PDE4D: variants seen among roughly 807,000 people sequenced by gnomAD.
PDE4D encodes the protein phosphodiesterase 4D.
PDE4D carries 24 observed loss-of-function variants against 87.4 expected under a neutral mutation model. That is an observed-to-expected ratio of 0.27 (90% CI 0.20 to 0.39). The LOEUF (loss-of-function observed/expected upper bound fraction) is 0.39. Ranked by LOEUF, PDE4D falls within the 10% of genes least tolerant of loss-of-function variation. The probability of loss-of-function intolerance (pLI) is 1.00; values close to 1 mark genes in which losing one functional copy is unlikely to be tolerated. For synonymous variants in PDE4D, 384 were observed against 383.2 expected, an observed-to-expected ratio of 1.00 and a Z score of -0.02; for missense variants, 714 against 1,041.0, an observed-to-expected ratio of 0.69 and a Z score of 4.32.
chr5:59,706,902 C>A (rs527548479), intron 1 of PDE4D, among the ~76,000 whole-genome samples: 1 of 152,168 alleles, frequency 6.6e-6, no homozygotes, highest in African/African-American at 2.4e-5. Context: ...CAGTGATGCT[C>A]AATTGCTTTT....
intron 1 of PDE4D, among the ~76,000 whole-genome samples, chr5:60,310,894 T>G (rs774021714): frequency 1.3e-5 from 2 of 152,194 alleles, no homozygotes; most frequent in African/African-American, 2.4e-5. Context: ...GGGATAATCA[T>G]TCCATGTGCT....
intron 6 of PDE4D, among the ~76,000 whole-genome samples, chr5:59,032,494 GCTTGAA>G (rs1232949054): frequency 6.6e-6 from 1 of 152,178 alleles, no homozygotes; most frequent in African/African-American, 2.4e-5. Flanking sequence ...CAGGAGAATT[GCTTGAA>G]CTTGGGAGGC....
At chr5:60,455,843 T>A (rs1746429709) in intron 1 of PDE4D, among the ~76,000 whole-genome samples, 1 of 152,142 alleles carries the variant, frequency 6.6e-6, no homozygotes, top group African/African-American at 2.4e-5. Context: ...GTCTAGTTAC[T>A]CAAAGTAGTG....
intron 2 of PDE4D, among the ~76,000 whole-genome samples, chr5:60,059,154 C>T (rs962323123): frequency 2.0e-5 from 3 of 150,980 alleles, no homozygotes; most frequent in African/African-American, 7.3e-5. Flanking sequence ...ATTGGCAAAA[C>T]CCAAAACACA....
chr5:59,024,914 TA>T (rs1263623190), intron 6 of PDE4D, among the ~76,000 whole-genome samples: 3 of 152,146 alleles, frequency 2.0e-5, no homozygotes, highest in Non-Finnish European at 2.9e-5. Flanking sequence ...TTACTTGAAA[TA>T]TTTTTTTAAA....
intron 6 of PDE4D, among the ~76,000 whole-genome samples, chr5:58,996,677 G>T (rs73094559): frequency 6.6e-6 from 1 of 152,200 alleles, no homozygotes; most frequent in African/African-American, 2.4e-5. Flanking sequence ...CTAGTATAAG[G>T]ATTATGTTGC....
upstream of PDE4D, chr5:60,491,328 A>T (rs1343448600): frequency 6.6e-6 from 1 of 152,204 alleles, no homozygotes; most frequent in Non-Finnish European, 1.5e-5. Flanking sequence ...ATAACAAAAC[A>T]CTTTATCTGG....
chr5:59,626,408 T>C (rs535455505), intron 1 of PDE4D, among the ~76,000 whole-genome samples: 15 of 152,340 alleles, frequency 9.8e-5, no homozygotes, highest in Admixed American at 7.8e-4. Flanking sequence ...GAAAGTACTA[T>C]TGAATTCTTA....
At chr5:60,089,461 T>A (rs1182795783) in intron 2 of PDE4D, among the ~76,000 whole-genome samples, 1 of 151,780 alleles carries the variant, frequency 6.6e-6, no homozygotes, top group Non-Finnish European at 1.5e-5. Flanking sequence ...ATGAATAAAT[T>A]AAAAAGGAAA....
intron 3 of PDE4D, among the ~76,000 whole-genome samples, chr5:59,186,963 G>C (rs1203997001): frequency 6.6e-6 from 1 of 152,160 alleles, no homozygotes; most frequent in African/African-American, 2.4e-5. Flanking sequence ...TATGTTTTAA[G>C]AAGTGAATAT....
chr5:59,971,464 G>T (rs1215558182), intron 3 of PDE4D, among the ~76,000 whole-genome samples: 1 of 152,090 alleles, frequency 6.6e-6, no homozygotes, highest in Non-Finnish European at 1.5e-5. Context: ...TATATAGGAA[G>T]AATATTCTCC....
At chr5:59,131,597 A>AACACACACACACACACAC (rs34161581) in intron 5 of PDE4D, among the ~76,000 whole-genome samples, 3 of 118,094 alleles carry the variant, frequency 2.5e-5, no homozygotes, top group East Asian at 2.3e-4. Flanking sequence ...GCCAATTTAA[A>AACACACACACACACACAC]ACACACACAC....
chr5:60,317,499 C>A (rs935354370), intron 1 of PDE4D, among the ~76,000 whole-genome samples: 6 of 152,040 alleles, frequency 3.9e-5, no homozygotes, highest in African/African-American at 1.4e-4. Flanking sequence ...CAGTTCTGTT[C>A]TGATCTTAGT....
At chr5:59,555,645 A>G (rs1229495694) in intron 1 of PDE4D, among the ~76,000 whole-genome samples, 2 of 152,092 alleles carry the variant, frequency 1.3e-5, no homozygotes, top group African/African-American at 4.8e-5. Flanking sequence ...CCGATCTCCA[A>G]CTTGTTGGAA....
At chr5:59,633,606 T>C (rs960172344) in intron 1 of PDE4D, among the ~76,000 whole-genome samples, 3 of 152,154 alleles carry the variant, frequency 2.0e-5, no homozygotes, top group Non-Finnish European at 4.4e-5. Context: ...AGAGAAGAAT[T>C]TGCAACCCAG....
chr5:59,673,602 T>G (rs553785167), intron 1 of PDE4D, among the ~76,000 whole-genome samples: 1 of 152,308 alleles, frequency 6.6e-6, no homozygotes, highest in African/African-American at 2.4e-5. Flanking sequence ...ACTTGCAAAT[T>G]CCTGAGCAGC....
intron 1 of PDE4D, among the ~76,000 whole-genome samples, chr5:60,283,279 TA>T (rs1752114778): frequency 6.6e-6 from 1 of 152,192 alleles, no homozygotes; most frequent in Admixed American, 6.5e-5. Flanking sequence ...TTGTCATAGA[TA>T]TTTTTTCATA....
At chr5:60,256,365 C>A (rs925849215) in intron 1 of PDE4D, among the ~76,000 whole-genome samples, 1 of 151,866 alleles carries the variant, frequency 6.6e-6, no homozygotes, top group Non-Finnish European at 1.5e-5. Context: ...TGTGAAACCA[C>A]TTATTTATTT....
intron 1 of PDE4D, among the ~76,000 whole-genome samples, chr5:60,436,774 T>C (rs1209505438): frequency 6.6e-6 from 1 of 152,048 alleles, no homozygotes; most frequent in Non-Finnish European, 1.5e-5. Context: ...TATGCTGTTT[T>C]TAGAAGCATG....
Sources: allele counts gnomAD v4.1 joint callset (sites outside exome capture counted in the v4.1 genomes callset), GRCh38; gene constraint gnomAD v4.1.1; transcripts MANE v1.5; gene names NCBI Gene and HGNC (gene_info 2026-07-23, HGNC 2026-07-21).